The following ZFP30 variants were observed in gnomAD, a reference collection of about 807,000 sequenced individuals.
ZFP30 encodes the protein ZFP30 zinc finger protein, also known as zinc finger protein 30 homolog.
A neutral mutation model predicts 12.3 loss-of-function variants in ZFP30; 16 were observed. The observed-to-expected ratio is 1.30, with a 90% confidence interval of 0.88 to 1.98. The LOEUF (loss-of-function observed/expected upper bound fraction) is 1.98, where lower values mean the gene tolerates loss of function less well. ZFP30 is among the 30% of genes most tolerant of loss of function. ZFP30 has a pLI of 0.00. For synonymous variants in ZFP30, 172 were observed against 201.0 expected (o/e 0.86, Z 1.22); for missense variants, 560 against 611.2 (o/e 0.92, Z 0.88).
chr19:37,637,195 CTTT>C (rs1005693767), intron 5 of ZFP30, among the ~76,000 whole-genome samples: 1 of 145,032 alleles, frequency 6.9e-6, no homozygotes, highest in Non-Finnish European at 1.5e-5. Flanking sequence ...TTTCTTTTTT[CTTT>C]TTTTCTTTTT....
chr19:37,647,925 G>A (rs1599629309), intron 2 of ZFP30, 26 bp from the exon 3 acceptor site: 1 of 1,410,210 alleles, frequency 7.1e-7, no homozygotes, highest in Non-Finnish European at 1.0e-6. Flanking sequence ...GTAAAATCAT[G>A]AGAAGAGAAC....
chr19:37,636,754 A>T (rs1242588892), intron 5 of ZFP30, among the ~76,000 whole-genome samples: 1 of 150,614 alleles, frequency 6.6e-6, no homozygotes, highest in African/African-American at 2.4e-5. Flanking sequence ...TCTGTCGCCC[A>T]GGTTGTAGTG....
chr19:37,639,209 A>G (rs2044388360), intron 5 of ZFP30, among the ~76,000 whole-genome samples: 1 of 152,184 alleles, frequency 6.6e-6, no homozygotes, highest in Non-Finnish European at 1.5e-5. Context: ...TAAGACAAAT[A>G]AGATATAAGT....
Position 37,635,234 on chromosome 19 carries a change from T to C in ZFP30, c.1307A>G (p.Lys436Arg). The change falls in exon 6 of 6, where the codon AAA becomes AGA. Residue 436 changes from lysine to arginine, a missense_variant. Lys to Arg is a conservative substitution (Grantham distance 26, BLOSUM62 2). Transcript: ENST00000684514. ...TQHQSIHFGE[K>R]PFKCKECEKT... ...CTCACATTCCTTACACTTAAAGGGT[T>C]TCTCACCAAAATGAATACTCTGATG... 1 of 1,614,090 alleles carries C rather than the reference T, an allele frequency of 6.2e-7. No individual in the cohort carries two copies.
rs2044301505 is a variant in ZFP30, at chr19:37,635,390, C to T, written c.1151G>A (p.Cys384Tyr). The T allele has an allele frequency of 6.2e-7, 1 of 1,614,110 alleles. No individual in the cohort carries two copies. Among genetic ancestry groups the T allele is most frequent in the Non-Finnish European group, 8.5e-7 (1 of 1,180,020 alleles). ...ACGAAAGAACTTCTGACATTCCTTA[C>T]ATTCATAGGGCTTTTCACCAGTATG... The part of the protein sequence containing the change: ...RIHTGEKPYE[C>Y]KECQKFFRRY... Residue 384 changes from cysteine (C) to tyrosine (Y), a missense_variant, in exon 6 of 6, where the codon TGT (cysteine) becomes TAT (tyrosine). Cys to Tyr is a radical substitution (Grantham distance 194). Transcript: ENST00000684514.
intron 3 of ZFP30, 97 bp from the exon 4 acceptor site, chr19:37,644,833 C>A: frequency 1.6e-6 from 2 of 1,271,484 alleles, no homozygotes; most frequent in South Asian, 3.1e-5. Context: ...GCTTATAATT[C>A]TAGCTTTGGG....
chr19:37,639,509 G>A (rs1362097216), intron 5 of ZFP30, among the ~76,000 whole-genome samples: 12 of 152,076 alleles, frequency 7.9e-5, no homozygotes, highest in Admixed American at 1.3e-4. Context: ...TGTGGTGGGA[G>A]GATCACTTGG....
At position 37,650,838 on chromosome 19, in the gene ZFP30, G is replaced by A. The variant is rs562976222; in HGVS notation, c.-77-2939C>T. 8.9e-4 allele frequency among the ~76,000 whole-genome samples: 135 copies of A among 151,260 alleles called. 1 individual carries two copies. Among genetic ancestry groups the A allele is most frequent in the African/African-American group, 3.2e-3 (131 of 41,210 alleles). On this transcript the variant is annotated intron_variant, in intron 2 of 5. Coordinates refer to ENST00000684514, the MANE Select transcript of ZFP30 (RefSeq NM_001320669.3). Reference sequence around the variant, plus strand: ...CAACCTCCGCCTCCTGGGTTCAACCGATTCTCTGCCTGTCCCAGCCTCCCG... The same window carrying A: ...CAACCTCCGCCTCCTGGGTTCAACCAATTCTCTGCCTGTCCCAGCCTCCCG...
intron 2 of ZFP30, among the ~76,000 whole-genome samples, chr19:37,653,751 A>T (rs1459660694): frequency 1.3e-5 from 2 of 152,216 alleles, no homozygotes; most frequent in Non-Finnish European, 2.9e-5. Flanking sequence ...AATACCATGA[A>T]ATGATAGACT....
chr19:37,644,806 G>A, intron 3 of ZFP30, 70 bp from the exon 4 acceptor site: 1 of 1,482,556 alleles, frequency 6.7e-7, no homozygotes. Context: ...GAAGGTGGCT[G>A]GGTGTAGTGG....
In ZFP30 at chr19:37,635,342, T is replaced by A; in HGVS notation, c.1199A>T (p.His400Leu). Residue 400 changes from histidine to leucine, a missense_variant, in exon 6 of 6, where the codon CAT becomes CTT. His to Leu is a moderately conservative substitution (Grantham distance 99, BLOSUM62 -3). Coordinates refer to ENST00000684514, the MANE Select transcript of ZFP30 (RefSeq NM_001320669.3). ...TTTCTCTCCAATGTGAATACCCTGATGTGAAATAAGTTCTGAGTAACGACG... is the reference window on the plus strand; with the variant it reads ...TTTCTCTCCAATGTGAATACCCTGAAGTGAAATAAGTTCTGAGTAACGACG... ...FFRRYSELIS[H>L]QGIHIGEKPY... The A allele has an allele frequency of 6.2e-7, 1 of 1,614,132 alleles. No individual in the cohort carries two copies. The highest frequency in any genetic ancestry group is 1.7e-5 in the Admixed American group (1 of 60,018).
In ZFP30 at chr19:37,655,404, C is replaced by T. The variant is rs2044736657; in HGVS notation, c.-246+16G>A. 1 of 152,590 alleles carries T rather than the reference C, an allele frequency of 6.6e-6. No homozygotes were observed. The highest frequency in any genetic ancestry group is 2.1e-4 in the South Asian group (1 of 4,842). The allele number at this position is 152,590 out of a possible 1,614,324, so 9.5% of individuals were successfully genotyped here. A position where few individuals can be genotyped will look rare whatever the true frequency, so the allele number is the denominator to read the frequency against. On this transcript the variant is annotated intron_variant, in intron 1 of 5. Coordinates refer to ENST00000684514, the MANE Select transcript of ZFP30 (RefSeq NM_001320669.3). Reference sequence around the variant, plus strand: ...CAGCGGCCACAGTGGCGCCCGGCTCCCAGCCCCAGCCTCACCCGACTCAGA... The same window carrying T: ...CAGCGGCCACAGTGGCGCCCGGCTCTCAGCCCCAGCCTCACCCGACTCAGA...
Position 37,635,363 on chromosome 19 carries a change from C to T in ZFP30, c.1178G>A (p.Arg393His), listed in dbSNP as rs752266348. 77 of 1,612,734 alleles carry T rather than the reference C, an allele frequency of 4.8e-5. 1 individual carries two copies. The highest frequency in any genetic ancestry group is 1.4e-4 in the South Asian group (13 of 91,016). ...CTGATGTGAAATAAGTTCTGAGTAA[C>T]GACGAAAGAACTTCTGACATTCCTT... ...ECKECQKFFR[R>H]YSELISHQGI... The change falls in exon 6 of 6, where the codon CGT becomes CAT. Residue 393 changes from arginine to histidine, a missense_variant. By Grantham distance (29) the Arg-to-His change is conservative. Transcript: ENST00000684514.
chr19:37,639,417 C>T (rs1029146766), intron 5 of ZFP30, among the ~76,000 whole-genome samples: 6 of 152,094 alleles, frequency 3.9e-5, no homozygotes, highest in African/African-American at 1.4e-4. Context: ...AAAGTGAGAA[C>T]GTGTTACTGT....
At chr19:37,650,450 A>G (rs2044626545) in intron 2 of ZFP30, among the ~76,000 whole-genome samples, 1 of 152,126 alleles carries the variant, frequency 6.6e-6, no homozygotes, top group African/African-American at 2.4e-5. Flanking sequence ...CTGAACAAAA[A>G]TTCAAAACAG....
chr19:37,647,833 C>G lies in ZFP30; in HGVS notation c.-11G>C. The stretch of plus-strand genomic sequence containing the variant: ...ACTTACACGAGCCATGATTTTAGAA[C>G]TGCTAGAACTGGTCAATTTTCCTCA... On this transcript the variant is annotated 5_prime_UTR_variant, in exon 3 of 6. Coordinates refer to ENST00000684514, the MANE Select transcript of ZFP30 (RefSeq NM_001320669.3). The G allele has an allele frequency of 6.2e-7, 1 of 1,614,124 alleles. No homozygotes were observed.
intron 3 of ZFP30, among the ~76,000 whole-genome samples, chr19:37,645,034 T>C: frequency 6.6e-6 from 1 of 151,882 alleles, no homozygotes; most frequent in Non-Finnish European, 1.5e-5. Flanking sequence ...TGAAACCCCG[T>C]CTCTACTAAA....
intron 2 of ZFP30, among the ~76,000 whole-genome samples, chr19:37,650,752 T>G (rs78051375): frequency 6.6e-6 from 1 of 151,296 alleles, no homozygotes; most frequent in African/African-American, 2.4e-5. Context: ...TTTTTTTTTT[T>G]GAGACAGAGT....
At chr19:37,642,173 T>C (rs1343879207) in intron 5 of ZFP30, among the ~76,000 whole-genome samples, 1 of 152,254 alleles carries the variant, frequency 6.6e-6, no homozygotes, top group Non-Finnish European at 1.5e-5. Context: ...TCTTCATTTA[T>C]TCACTGAACA....
Sources: allele counts gnomAD v4.1 joint callset (sites outside exome capture counted in the v4.1 genomes callset), GRCh38; gene constraint gnomAD v4.1.1; transcripts MANE v1.5; gene names NCBI Gene and HGNC (gene_info 2026-07-23, HGNC 2026-07-21).